OPA3: variants seen among roughly 807,000 people sequenced by gnomAD.
The protein encoded by OPA3 is outer mitochondrial membrane lipid metabolism regulator OPA3.
A neutral mutation model predicts 4.0 loss-of-function variants in OPA3; 6 were observed. The ratio of observed to expected loss-of-function variants is 1.51; its 90% CI spans 0.83 to 2.99. OPA3 has a LOEUF of 2.99. Among genes scored for constraint, OPA3 ranks in the 30% most tolerant of loss-of-function variants. The pLI, the probability that OPA3 is intolerant of heterozygous loss-of-function variation, is 0.00. For missense variants in OPA3, 235 were observed against 256.2 expected (o/e 0.92, Z 0.56); for synonymous variants, 105 against 117.1 (o/e 0.90, Z 0.67).
intron 1 of OPA3, among the ~76,000 whole-genome samples, chr19:45,530,724 G>A (rs570969789): frequency 6.6e-6 from 1 of 151,890 alleles, no homozygotes; most frequent in South Asian, 2.1e-4. Flanking sequence ...CTCCCAAAGT[G>A]CTAGGATTAC....
At chr19:45,570,630 C>G (rs1172177868) in intron 1 of OPA3, among the ~76,000 whole-genome samples, 1 of 152,062 alleles carries the variant, frequency 6.6e-6, no homozygotes, top group East Asian at 1.9e-4. Flanking sequence ...GAGGCTGCAG[C>G]GAGCTGAGAT....
chr19:45,536,000 G>A (rs916699255), intron 1 of OPA3, among the ~76,000 whole-genome samples: 2 of 151,750 alleles, frequency 1.3e-5, no homozygotes, highest in African/African-American at 2.4e-5. Flanking sequence ...GCCAAGGTAG[G>A]CGGATCACCT....
chr19:45,539,677 G>A (rs1360702368), intron 1 of OPA3, among the ~76,000 whole-genome samples: 1 of 151,862 alleles, frequency 6.6e-6, no homozygotes, highest in Non-Finnish European at 1.5e-5. Flanking sequence ...TACTGGGCGG[G>A]GGTGGGGCTG....
chr19:45,539,100 T>C (rs1025457917), intron 1 of OPA3, among the ~76,000 whole-genome samples: 3 of 152,270 alleles, frequency 2.0e-5, no homozygotes, highest in South Asian at 2.1e-4. Context: ...AATTCACTCA[T>C]TATCAGGAGA....
rs1330062234 is a variant in OPA3, at chr19:45,538,085, A to G, written c.143-8629T>C. Among the ~76,000 whole-genome samples, 3 of 133,676 alleles carry G rather than the reference A, an allele frequency of 2.2e-5. No individual in the cohort carries two copies. In the East Asian group the frequency reaches 6.8e-4, roughly 30 times the overall value. 87.7% of individuals were successfully genotyped at this position (133,676 alleles called of 152,430 possible). On this transcript the variant is annotated intron_variant, in intron 1 of 1. Coordinates refer to the OPA3 transcript ENST00000323060. ...CACTGCACTCCAGCCTGGAGGACAG[A>G]GCTAGGCTCCATATCAAAAAAAAAA... is the stretch of plus-strand genomic sequence containing the variant.
intron 1 of OPA3, among the ~76,000 whole-genome samples, chr19:45,530,350 T>C (rs1243183365): frequency 6.6e-6 from 1 of 151,314 alleles, no homozygotes; most frequent in Non-Finnish European, 1.5e-5. Context: ...CGAGACTCCA[T>C]CTCAAAAAAA....
chr19:45,534,693 C>T (rs1268001917), intron 1 of OPA3, among the ~76,000 whole-genome samples: 3 of 150,610 alleles, frequency 2.0e-5, no homozygotes, highest in Non-Finnish European at 3.0e-5. Context: ...AGTGCAGTGG[C>T]GTGATCTCAG....
intron 1 of OPA3, among the ~76,000 whole-genome samples, chr19:45,554,510 C>T (rs1377482093): frequency 1.3e-5 from 2 of 152,178 alleles, no homozygotes; most frequent in Admixed American, 6.5e-5. Flanking sequence ...GGGCACATAC[C>T]TTGGTGGGAG....
At chr19:45,541,482 G>A (rs1293803743), downstream of OPA3, among the ~76,000 whole-genome samples, 2 of 152,086 alleles carry the variant, frequency 1.3e-5, no homozygotes, top group Non-Finnish European at 2.9e-5. Flanking sequence ...GAGGCAGGAG[G>A]ATCATCTAAG....
intron 1 of OPA3, 131 bp downstream of exon 1, chr19:45,584,492 C>T: frequency 6.4e-7 from 1 of 1,570,186 alleles, no homozygotes. Flanking sequence ...TCAGAAACCC[C>T]CCACTATTGG....
At chr19:45,565,811 C>T (rs564391666) in intron 1 of OPA3, among the ~76,000 whole-genome samples, 37 of 152,038 alleles carry the variant, frequency 2.4e-4, no homozygotes, top group African/African-American at 8.0e-4. Context: ...ATTAGCTGTA[C>T]GTGGTGGTGC....
At chr19:45,529,434 C>T in exon 2 of OPA3, 2 of 1,614,192 alleles carry the variant, frequency 1.2e-6, no homozygotes, top group Non-Finnish European at 1.7e-6. Flanking sequence ...GCATTTTGGT[C>T]CGCATCTCCA....
At chr19:45,566,869 G>A (rs1969591308) in intron 1 of OPA3, among the ~76,000 whole-genome samples, 1 of 151,992 alleles carries the variant, frequency 6.6e-6, no homozygotes, top group Admixed American at 6.6e-5. Context: ...TCTACCAAGA[G>A]AAATGAAAAC....
rs974953414 is a variant in OPA3 at position 45,584,578 on chromosome 19, G to A, written c.142+45C>T. 5 of 1,613,916 alleles carry A rather than the reference G, an allele frequency of 3.1e-6. No homozygotes were observed. In the African/African-American group the frequency reaches 4.0e-5, roughly 13 times the overall value. The stretch of plus-strand genomic sequence containing the variant: ...TCCCCTAAGCAACCACCTGACAGGG[G>A]TTGGAGAAAGGAAAAAGGTTGGAGG... On this transcript the variant is annotated intron_variant, in intron 1 of 1. Coordinates refer to ENST00000263275, the MANE Select transcript of OPA3 (RefSeq NM_025136.4).
chr19:45,555,757 T>C (rs1361371018), intron 1 of OPA3, among the ~76,000 whole-genome samples: 1 of 151,966 alleles, frequency 6.6e-6, no homozygotes, highest in Non-Finnish European at 1.5e-5. Flanking sequence ...TCCCAAAGTG[T>C]TGGGATTACA....
At chr19:45,533,639 T>TCCAGGGCAGGCCAGG (rs1437369141) in intron 1 of OPA3, among the ~76,000 whole-genome samples, 4 of 152,204 alleles carry the variant, frequency 2.6e-5, no homozygotes, top group Non-Finnish European at 5.9e-5. Flanking sequence ...AAGTCCGTAC[T>TCCAGGGCAGGCCAGG]CCAGGGCAGG....
chr19:45,527,737 A>C (rs938834263), exon 2 of OPA3: 30 of 152,166 alleles, frequency 2.0e-4, no homozygotes, highest in African/African-American at 7.2e-4. Context: ...GACATTTTGC[A>C]GACGCACATT....
chr19:45,580,317 G>C (rs1969833550), intron 1 of OPA3, among the ~76,000 whole-genome samples: 1 of 130,946 alleles, frequency 7.6e-6, no homozygotes. Context: ...TTTTGAGACA[G>C]AGTTTCACTC....
In OPA3 at chr19:45,549,920, G is replaced by A; in HGVS notation, c.*3594C>T. ...CGCCTGTAATCCCAGCACTTTGGGAGGCCGAGGCGGGCGGATTACCTGAGG... is the reference window on the plus strand; with the variant it reads ...CGCCTGTAATCCCAGCACTTTGGGAAGCCGAGGCGGGCGGATTACCTGAGG... On this transcript the variant is annotated 3_prime_UTR_variant, in exon 2 of 2. Coordinates refer to ENST00000263275, the MANE Select transcript of OPA3 (RefSeq NM_025136.4). The A allele has an allele frequency of 1.0e-6, 1 of 961,928 alleles. No individual in the cohort carries two copies. 59.6% of individuals were successfully genotyped at this position (961,928 alleles called of 1,614,324 possible).
Sources: allele counts gnomAD v4.1 joint callset (sites outside exome capture counted in the v4.1 genomes callset), GRCh38; gene constraint gnomAD v4.1.1; transcripts MANE v1.5; gene names NCBI Gene and HGNC (gene_info 2026-07-23, HGNC 2026-07-21).